The following MORC4 variants were observed in gnomAD, a reference collection of about 807,000 sequenced individuals.
MORC4 encodes the protein MORC family CW-type zinc finger protein 4.
Under a neutral mutation model 65.5 loss-of-function variants are expected in MORC4, and 22 were observed. The observed-to-expected ratio is 0.34, with a 90% CI of 0.24 to 0.48. The LOEUF is 0.48. Among genes scored for constraint, MORC4 ranks in the 20% least tolerant of loss-of-function variants. The pLI, the probability that MORC4 is intolerant of heterozygous loss-of-function variation, is 0.99. For synonymous variants in MORC4, 267 were observed against 255.8 expected (o/e 1.04, Z -0.42); for missense variants, 624 against 703.0 (o/e 0.89, Z 1.27).
chrX:106,983,214 G>A lies in MORC4; in HGVS notation c.675-1737C>T, dbSNP rs979010504. Among the ~76,000 whole-genome samples the A allele has an allele frequency of 4.5e-5, 5 of 111,941 alleles. No individual in the cohort carries two copies. In the South Asian group the frequency reaches 1.1e-3, roughly 25 times the overall value. ...AGTACCATATACATAACTGGGAAACGACATACAAAGAAAAAGTTCTGTTTA... is the reference window on the plus strand; with the variant it reads ...AGTACCATATACATAACTGGGAAACAACATACAAAGAAAAAGTTCTGTTTA... On this transcript the variant is annotated intron_variant, in intron 5 of 16. Transcript: ENST00000355610.
intron 14 of MORC4, among the ~76,000 whole-genome samples, chrX:106,947,806 T>A (rs911166151): frequency 9.6e-6 from 1 of 104,256 alleles, no homozygotes; most frequent in Non-Finnish European, 2.0e-5. Context: ...TGGACCTAAC[T>A]ACAGAGCCCC....
rs1374159953 is a variant in MORC4, at chrX:106,976,573, G to C, written c.1157+11C>G. ...AACTAACGGAAGCACCTCAGGTTGG[G>C]AGTGACTCACCGGTACTCCTTGGTA... On this transcript the variant is annotated intron_variant, in intron 9 of 16. Coordinates refer to ENST00000355610, the MANE Select transcript of MORC4 (RefSeq NM_024657.5). 1 of 1,146,690 alleles carries C rather than the reference G, an allele frequency of 8.7e-7. No individual in the cohort carries two copies. The highest frequency in any genetic ancestry group is 2.2e-5 in the Admixed American group (1 of 45,405). 94.5% of individuals were successfully genotyped at this position (1,146,690 alleles called of 1,213,427 possible).
intron 14 of MORC4, among the ~76,000 whole-genome samples, chrX:106,948,790 A>T (rs748761266): frequency 9.0e-6 from 1 of 111,434 alleles, no homozygotes; most frequent in South Asian, 3.8e-4. Context: ...TTCTCATGAG[A>T]AGTCATCAAC....
Position 106,969,058 on chromosome X carries a change from A to G in MORC4, c.1158-6948T>C, listed in dbSNP as rs753016821. On this transcript the variant is annotated intron_variant, in intron 9 of 16. Coordinates refer to ENST00000355610, the MANE Select transcript of MORC4 (RefSeq NM_024657.5). ...TTCTTCTCAGTACCACATAGCACTC[A>G]TTCTAAAATTGACCAAGTAATTGGA... is the stretch of plus-strand genomic sequence containing the variant. 9.8e-5 allele frequency among the ~76,000 whole-genome samples: 11 copies of G among 112,255 alleles called. No homozygotes were observed. In the East Asian group the frequency reaches 3.1e-3, roughly 31 times the overall value.
At chrX:106,981,218 A>C (rs1934733894) in intron 6 of MORC4, 127 bp downstream of exon 6, 1 of 874,412 alleles carries the variant, frequency 1.1e-6, no homozygotes, top group Non-Finnish European at 1.6e-6. Flanking sequence ...GGAGACAATA[A>C]AAAGGAATAC....
chrX:106,961,835 C>T (rs1156785582), intron 10 of MORC4, among the ~76,000 whole-genome samples, 177 bp downstream of exon 10: 2 of 111,726 alleles, frequency 1.8e-5, no homozygotes, highest in Admixed American at 1.9e-4. Flanking sequence ...CTCTTTGGGT[C>T]GGTGCCATCT....
intron 5 of MORC4, among the ~76,000 whole-genome samples, chrX:106,982,041 T>C (rs781697794): frequency 1.8e-5 from 2 of 112,112 alleles, no homozygotes; most frequent in East Asian, 2.8e-4. Context: ...ATTCCTTTCA[T>C]AAGGACCTTT....
chrX:106,972,155 A>C (rs2147816725), intron 9 of MORC4, among the ~76,000 whole-genome samples: 1 of 112,047 alleles, frequency 8.9e-6, no homozygotes, highest in African/African-American at 3.2e-5. Flanking sequence ...GGATGAGTTC[A>C]TGTCCTTTGC....
chrX:106,997,801 G>A lies in MORC4; in HGVS notation c.175+1876C>T, dbSNP rs183279845. ...TTCCTTTTGCCTGGAATTCCTCCCC[G>A]CCCATATCCACATGTCCCAATCCTT... On this transcript the variant is annotated intron_variant, in intron 2 of 16. Transcript: ENST00000355610. Among the ~76,000 whole-genome samples, 7 of 110,981 alleles carry A rather than the reference G, an allele frequency of 6.3e-5. No individual in the cohort carries two copies. In the East Asian group the frequency reaches 2.0e-3, roughly 31 times the overall value.
chrX:106,988,907 A>G (rs780090825), intron 3 of MORC4, among the ~76,000 whole-genome samples: 85 of 111,886 alleles, frequency 7.6e-4, no homozygotes, highest in African/African-American at 2.7e-3. Flanking sequence ...GGACTCTGCC[A>G]TGACACGTGT....
intron 14 of MORC4, among the ~76,000 whole-genome samples, chrX:106,947,531 G>GTA (rs747759024): frequency 0.014 from 1,105 of 78,659 alleles, 26 homozygotes; most frequent in African/African-American, 0.048. Context: ...CTGTAGTTAG[G>GTA]TATATATATA....
rs763204093 is a variant in MORC4 at position 106,942,284 on chromosome X, A to G, written c.2377-63T>C. ...AAGAGCACGCCAAAAACCGTTCCTC[A>G]TATGGTCATCCTGTGATTCCACTAT... On this transcript the variant is annotated intron_variant, in intron 15 of 16. Transcript: ENST00000355610. The G allele has an allele frequency of 1.3e-5, 15 of 1,120,361 alleles. No homozygotes were observed. In the Admixed American group the frequency reaches 1.8e-4, roughly 14 times the overall value. The allele number at this position is 1,120,361 out of a possible 1,213,427, so 92.3% of individuals were successfully genotyped here.
At chrX:106,953,125 C>G (rs1934017123) in intron 14 of MORC4, among the ~76,000 whole-genome samples, 1 of 111,984 alleles carries the variant, frequency 8.9e-6, no homozygotes, top group African/African-American at 3.3e-5. Context: ...AAACCTCACT[C>G]TCGATATAGC....
At chrX:106,995,919 G>A (rs969145082) in intron 2 of MORC4, among the ~76,000 whole-genome samples, 3 of 112,472 alleles carry the variant, frequency 2.7e-5, no homozygotes, top group African/African-American at 9.7e-5. Context: ...AGACACTCCT[G>A]CTGGCAGACA....
At position 106,943,191 on chromosome X, in the gene MORC4, A is replaced by C; in HGVS notation, c.1700T>G (p.Ile567Ser). 8.3e-7 allele frequency: 1 copy of C among 1,197,906 alleles called. No homozygotes were observed. The highest frequency in any genetic ancestry group is 1.7e-5 in the African/African-American group (1 of 57,336). The part of the protein sequence containing the change: ...VLQFSSKYKW[I>S]LGEEPVEKRR... ...TTTCTCCACCGGTTCTTCACCTAGG[A>C]TCCATTTGTACTTACTGCAAGAAGA... Residue 567 changes from isoleucine (I) to serine (S), a missense_variant, in exon 15 of 17, where the codon ATC becomes AGC. Transcript: ENST00000355610.
At chrX:106,990,429 G>T (rs1450969614) in intron 3 of MORC4, among the ~76,000 whole-genome samples, 1 of 110,095 alleles carries the variant, frequency 9.1e-6, no homozygotes, top group African/African-American at 3.3e-5. Flanking sequence ...GCTAATTTTT[G>T]TATTTTTTTG....
rs765243603 is a variant in MORC4, at chrX:106,999,717, G to C, written c.135C>G (p.Ser45Arg). The C allele has an allele frequency of 8.9e-7, 1 of 1,128,311 alleles. No individual in the cohort carries two copies. The highest frequency in any genetic ancestry group is 2.1e-5 in the South Asian group (1 of 48,392). The allele number at this position is 1,128,311 out of a possible 1,213,427, so 93.0% of individuals were successfully genotyped here. ...TGGCACTGAAGGGTCGCGTGTGGCTGCTGGAGTTGCTCTGGAGGTAGCGGG... is the reference window on the plus strand; with the variant it reads ...TGGCACTGAAGGGTCGCGTGTGGCTCCTGGAGTTGCTCTGGAGGTAGCGGG... ...MSPRYLQSNSSSHTRPFSAIA... is the reference protein window; with the variant it reads ...MSPRYLQSNSRSHTRPFSAIA... Residue 45 changes from serine (S) to arginine (R), a missense_variant, in exon 2 of 17, where the codon AGC (serine) becomes AGG (arginine). Ser to Arg is a moderately radical substitution (Grantham distance 110). Transcript: ENST00000355610.
At chrX:106,991,240 ACTGTGCTCTAC>A (rs1355306267) in intron 3 of MORC4, among the ~76,000 whole-genome samples, 2 of 111,749 alleles carry the variant, frequency 1.8e-5, no homozygotes, top group African/African-American at 6.5e-5. Flanking sequence ...TCTCAAAGAA[ACTGTGCTCTAC>A]CTTCATAGCA....
intron 4 of MORC4, among the ~76,000 whole-genome samples, chrX:106,985,724 T>A (rs1364709679): frequency 2.7e-5 from 3 of 110,373 alleles, no homozygotes; most frequent in Non-Finnish European, 5.7e-5. Flanking sequence ...CATGGGGTGG[T>A]GGTAGAGCAG....
Sources: gnomAD v4.1 joint callset for allele counts (sites outside exome capture counted in the v4.1 genomes callset) on GRCh38, gnomAD v4.1.1 for gene constraint, MANE v1.5 for transcripts, NCBI Gene and HGNC (gene_info 2026-07-23, HGNC 2026-07-21) for gene names.